Variants in DLC1 observed in about 807,000 individuals in gnomAD.
DLC1 encodes the protein DLC1 Rho GTPase activating protein.
In DLC1, 54 loss-of-function variants were observed where a neutral mutation model predicts 140.3. That is an observed-to-expected ratio of 0.38 (90% CI 0.31 to 0.48). The LOEUF is 0.48. DLC1 is among the 20% of genes least tolerant of loss of function. The probability of loss-of-function intolerance (pLI) is 0.96; values close to 1 mark genes in which losing one functional copy is unlikely to be tolerated. For missense variants in DLC1, 2,536 were observed against 1,907.0 expected, an observed-to-expected ratio of 1.33 and a Z score of -6.14; for synonymous variants, 986 against 728.1, an observed-to-expected ratio of 1.35 and a Z score of -5.70.
chr8:13,297,032 G>A (rs1016705687), intron 5 of DLC1, among the ~76,000 whole-genome samples: 9 of 151,586 alleles, frequency 5.9e-5, no homozygotes, highest in African/African-American at 2.2e-4. Context: ...GAAATATTTG[G>A]AAAATTATCT....
intron 7 of DLC1, among the ~76,000 whole-genome samples, chr8:13,105,037 C>A (rs780504375): frequency 6.6e-6 from 1 of 152,176 alleles, no homozygotes; most frequent in Non-Finnish European, 1.5e-5. Flanking sequence ...AACCTGTAAT[C>A]AAATAGTCAC....
intron 2 of DLC1, among the ~76,000 whole-genome samples, chr8:13,451,627 T>C (rs981308560): frequency 2.0e-5 from 3 of 152,204 alleles, no homozygotes; most frequent in Non-Finnish European, 2.9e-5. Context: ...TGCTTGTCTT[T>C]CTGTGCCTGG....
chr8:13,547,608 G>A (rs911767440), intron 1 of DLC1, among the ~76,000 whole-genome samples: 11 of 152,058 alleles, frequency 7.2e-5, no homozygotes, highest in East Asian at 5.8e-4. Context: ...TGCCTCTGTC[G>A]GCAGCAGAGA....
chr8:13,274,707 G>T (rs1162068784), intron 5 of DLC1, among the ~76,000 whole-genome samples: 1 of 152,162 alleles, frequency 6.6e-6, no homozygotes, highest in African/African-American at 2.4e-5. Context: ...GTATGAAAAT[G>T]TAAGAGGAAA....
intron 5 of DLC1, among the ~76,000 whole-genome samples, chr8:13,199,340 C>T (rs1827246550): frequency 6.6e-6 from 1 of 151,996 alleles, no homozygotes; most frequent in Non-Finnish European, 1.5e-5. Flanking sequence ...TGCACCACCA[C>T]ACCTGGCTGA....
intron 5 of DLC1, among the ~76,000 whole-genome samples, chr8:13,259,407 G>A (rs11986779): frequency 0.13 from 19,606 of 152,062 alleles, 1,318 homozygotes; most frequent in South Asian, 0.24. Flanking sequence ...AAAACACCCG[G>A]ACAGAGTGCT....
At chr8:13,571,993 T>C (rs940294280) in intron 1 of DLC1, among the ~76,000 whole-genome samples, 4 of 152,198 alleles carry the variant, frequency 2.6e-5, no homozygotes, top group African/African-American at 9.6e-5. Flanking sequence ...TTAATGTTCA[T>C]TTGTGTATCT....
intron 5 of DLC1, among the ~76,000 whole-genome samples, chr8:13,271,711 G>A (rs1265907260): frequency 6.6e-6 from 1 of 152,082 alleles, no homozygotes; most frequent in Non-Finnish European, 1.5e-5. Context: ...AGAAGATGAG[G>A]TCTTGCTATG....
intron 2 of DLC1, among the ~76,000 whole-genome samples, chr8:13,422,695 C>T (rs1400214570): frequency 2.0e-5 from 3 of 151,528 alleles, no homozygotes; most frequent in African/African-American, 7.3e-5. Flanking sequence ...CTTTCTATAT[C>T]GAGCAACTAT....
chr8:13,324,721 A>T (rs1299491349), intron 4 of DLC1, among the ~76,000 whole-genome samples: 4 of 152,304 alleles, frequency 2.6e-5, no homozygotes, highest in African/African-American at 7.2e-5. Flanking sequence ...ATAAAATTTA[A>T]GTTACTTTTT....
intron 5 of DLC1, among the ~76,000 whole-genome samples, chr8:13,217,431 A>C (rs573108090): frequency 2.0e-5 from 3 of 152,310 alleles, no homozygotes; most frequent in South Asian, 4.1e-4. Flanking sequence ...AATGATCTGC[A>C]TCTGAGCCAC....
At chr8:13,276,527 G>A (rs1352500291) in intron 5 of DLC1, 7 of 1,293,092 alleles carry the variant, frequency 5.4e-6, no homozygotes, top group African/African-American at 1.6e-5. Context: ...CTGGCACTGC[G>A]GCCCCGGGAA....
intron 2 of DLC1, among the ~76,000 whole-genome samples, chr8:13,402,019 G>T (rs762375301): frequency 3.9e-5 from 6 of 152,080 alleles, no homozygotes; most frequent in Non-Finnish European, 8.8e-5. Flanking sequence ...ATGCATATGA[G>T]ATTATATTTT....
At chr8:13,535,849 G>C (rs959731733) in intron 1 of DLC1, among the ~76,000 whole-genome samples, 19 of 151,958 alleles carry the variant, frequency 1.3e-4, no homozygotes, top group African/African-American at 4.6e-4. Context: ...TGACCAATCA[G>C]TATCCTATAT....
chr8:13,521,311 T>C (rs1038824630), intron 1 of DLC1, among the ~76,000 whole-genome samples: 1 of 151,876 alleles, frequency 6.6e-6, no homozygotes, highest in African/African-American at 2.4e-5. Flanking sequence ...GCTTAATACC[T>C]AGGTTATGGG....
chr8:13,571,038 A>C (rs929924378), intron 1 of DLC1, among the ~76,000 whole-genome samples: 1 of 152,164 alleles, frequency 6.6e-6, no homozygotes, highest in Non-Finnish European at 1.5e-5. Context: ...TACTTTAACC[A>C]ATACAACTTT....
intron 5 of DLC1, among the ~76,000 whole-genome samples, chr8:13,199,020 C>A (rs1158804163): frequency 6.6e-6 from 1 of 151,936 alleles, no homozygotes; most frequent in Non-Finnish European, 1.5e-5. Context: ...TCCGGCCTAG[C>A]ATGACATTTT....
chr8:13,103,445 G>A (rs1223238426), intron 7 of DLC1, among the ~76,000 whole-genome samples: 6 of 151,958 alleles, frequency 3.9e-5, no homozygotes, highest in African/African-American at 9.7e-5. Context: ...AAGTCTCTCT[G>A]ATTCTTCAAC....
At chr8:13,249,566 C>G (rs545021960) in intron 5 of DLC1, among the ~76,000 whole-genome samples, 4 of 152,164 alleles carry the variant, frequency 2.6e-5, no homozygotes, top group Non-Finnish European at 5.9e-5. Context: ...GCCTTTCACA[C>G]AGTCTTCTGA....
Sources: allele counts gnomAD v4.1 joint callset (sites outside exome capture counted in the v4.1 genomes callset), GRCh38; gene constraint gnomAD v4.1.1; transcripts MANE v1.5; gene names NCBI Gene and HGNC (gene_info 2026-07-23, HGNC 2026-07-21).